Variants in IL22RA2 observed in about 807,000 individuals in gnomAD.
IL22RA2 encodes the protein interleukin 22 receptor subunit alpha 2.
IL22RA2 carries 39 observed loss-of-function variants against 30.7 expected under a neutral mutation model. The ratio of observed to expected loss-of-function variants is 1.27; its 90% CI spans 0.98 to 1.66. The LOEUF (loss-of-function observed/expected upper bound fraction) is 1.66, where lower values mean the gene tolerates loss of function less well. Ranked by LOEUF, IL22RA2 falls within the 40% of genes most tolerant of loss-of-function variation. The pLI, the probability that IL22RA2 is intolerant of heterozygous loss-of-function variation, is 0.00. For synonymous variants in IL22RA2, 103 were observed against 105.0 expected, an observed-to-expected ratio of 0.98 and a Z score of 0.11; for missense variants, 315 against 312.7, an observed-to-expected ratio of 1.01 and a Z score of -0.05.
Position 137,147,815 on chromosome 6 carries a change from T to C in IL22RA2, c.549A>G (p.Leu183=), listed in dbSNP as rs1778211349. ...SLLVILHAPN[L]PYRYQKEKNV... is the part of the protein sequence containing the mutation. ...TTTTTTCCTTTTGGTATCTATATGG[T>C]AAATTTGGAGCATGGAGAATTACCA... Residue 183 remains leucine (L), a synonymous_variant, in exon 6 of 7, where the codon TTA becomes TTG. Transcript: ENST00000296980. 1 of 1,613,552 alleles carries C rather than the reference T, an allele frequency of 6.2e-7. No homozygotes were observed. Among genetic ancestry groups the C allele is most frequent in the East Asian group, 2.2e-5 (1 of 44,856 alleles).
chr6:137,169,085 T>G (rs1257042726), intron 1 of IL22RA2, among the ~76,000 whole-genome samples: 1 of 152,226 alleles, frequency 6.6e-6, no homozygotes, highest in Non-Finnish European at 1.5e-5. Flanking sequence ...TTACCTTGCC[T>G]GAATTTGTTA....
chr6:137,162,814 G>A (rs1337613509), intron 1 of IL22RA2, among the ~76,000 whole-genome samples: 2 of 152,178 alleles, frequency 1.3e-5, no homozygotes, highest in African/African-American at 4.8e-5. Flanking sequence ...TATGAACAGA[G>A]CCATGTGTGT....
chr6:137,169,187 C>G (rs1173655231), intron 1 of IL22RA2, among the ~76,000 whole-genome samples: 3 of 152,172 alleles, frequency 2.0e-5, no homozygotes, highest in African/African-American at 7.2e-5. Context: ...CCTTTCAGAA[C>G]CAGATAGGGG....
chr6:137,146,604 C>T (rs1778184701), intron 6 of IL22RA2, among the ~76,000 whole-genome samples: 1 of 152,146 alleles, frequency 6.6e-6, no homozygotes, highest in South Asian at 2.1e-4. Flanking sequence ...GTTTCTGCTC[C>T]TTACGACAAA....
chr6:137,147,409 A>AAAT (rs1270838480), intron 6 of IL22RA2, among the ~76,000 whole-genome samples: 4 of 150,844 alleles, frequency 2.7e-5, no homozygotes, highest in Non-Finnish European at 4.4e-5. Flanking sequence ...ATAAATAAAT[A>AAAT]AATAAGGTGT....
chr6:137,169,098 A>G (rs1052843571), intron 1 of IL22RA2, among the ~76,000 whole-genome samples: 1 of 152,238 alleles, frequency 6.6e-6, no homozygotes, highest in Non-Finnish European at 1.5e-5. Flanking sequence ...ATTTGTTACA[A>G]AATTCAATGC....
intron 5 of IL22RA2, among the ~76,000 whole-genome samples, chr6:137,150,390 G>A (rs778830044): frequency 4.0e-5 from 6 of 151,650 alleles, no homozygotes; most frequent in Non-Finnish European, 5.9e-5. Context: ...CTATAGACTG[G>A]GTTTCTTATT....
Position 137,161,728 on chromosome 6 carries a change from G to T in IL22RA2, c.22C>A (p.Leu8Ile), listed in dbSNP as rs776480764. MMPKHCF[L>I]GFLISFFLTG... ...AGGAAGAAACTGATGAGGAAGCCTA[G>T]AAAGCAATGTTTAGGCATCATGGTT... The change falls in exon 2 of 7, where the codon CTA becomes ATA. Residue 8 changes from leucine (L) to isoleucine (I), a missense_variant. Leu to Ile is a conservative substitution (Grantham distance 5, BLOSUM62 2). Transcript: ENST00000296980. 1 of 1,613,676 alleles carries T rather than the reference G, an allele frequency of 6.2e-7. No individual in the cohort carries two copies. Among genetic ancestry groups the T allele is most frequent in the Non-Finnish European group, 8.5e-7 (1 of 1,179,746 alleles).
intron 1 of IL22RA2, among the ~76,000 whole-genome samples, chr6:137,173,140 G>C (rs1582615861): frequency 6.6e-6 from 1 of 152,226 alleles, no homozygotes; most frequent in African/African-American, 2.4e-5. Flanking sequence ...GGAAGGCGGA[G>C]GTGGGTGGAT....
chr6:137,157,770 T>C (rs1231362968), intron 3 of IL22RA2, among the ~76,000 whole-genome samples: 4 of 151,026 alleles, frequency 2.6e-5, no homozygotes, highest in Non-Finnish European at 5.9e-5. Context: ...AGGAGTAGAT[T>C]ATATCTGAGT....
intron 2 of IL22RA2, among the ~76,000 whole-genome samples, chr6:137,159,748 T>C (rs2114378549): frequency 6.6e-6 from 1 of 152,350 alleles, no homozygotes; most frequent in African/African-American, 2.4e-5. Context: ...GCCTCTGCAC[T>C]GGCCCTTCCC....
chr6:137,157,364 A>G (rs1041923091), intron 3 of IL22RA2, among the ~76,000 whole-genome samples: 1 of 152,128 alleles, frequency 6.6e-6, no homozygotes, highest in Non-Finnish European at 1.5e-5. Flanking sequence ...GCACAAATCT[A>G]CTTTTGTAAT....
At position 137,173,590 on chromosome 6, in the gene IL22RA2, T is replaced by C. The variant is rs1222169709; in HGVS notation, c.-243A>G. 6.6e-6 allele frequency: 1 copy of C among 152,168 alleles called. No homozygotes were observed. The highest frequency in any genetic ancestry group is 2.4e-5 in the African/African-American group (1 of 41,430). The allele number at this position is 152,168 out of a possible 1,614,324, so 9.4% of individuals were successfully genotyped here. ...TGTTACAGATGAAGAAACTGAGACA[T>C]AGATAGAGAGGTGGAGAGAACTTGA... On this transcript the variant is annotated 5_prime_UTR_variant, in exon 1 of 7. It removes an upstream start codon present in the reference 5' UTR. Coordinates refer to ENST00000296980, the MANE Select transcript of IL22RA2 (RefSeq NM_052962.3).
At chr6:137,161,939 A>C in intron 1 of IL22RA2, 125 bp from the exon 2 acceptor site, 1 of 501,376 alleles carries the variant, frequency 2.0e-6, no homozygotes, top group Non-Finnish European at 3.6e-6. Flanking sequence ...AAAGTATAAA[A>C]ATCACTTCAA....
At chr6:137,148,325 T>G (rs1263942965) in intron 5 of IL22RA2, among the ~76,000 whole-genome samples, 1 of 152,144 alleles carries the variant, frequency 6.6e-6, no homozygotes, top group Non-Finnish European at 1.5e-5. Context: ...GTGATTCTCC[T>G]TCAGCTTCCT....
At chr6:137,161,000 T>C (rs1269293139) in intron 2 of IL22RA2, among the ~76,000 whole-genome samples, 1 of 152,204 alleles carries the variant, frequency 6.6e-6, no homozygotes, top group East Asian at 1.9e-4. Flanking sequence ...GAGGTACCCA[T>C]TTGTTAACTT....
At chr6:137,158,625 C>G (rs1778459057) in intron 2 of IL22RA2, 143 bp from the exon 3 acceptor site, 4 of 768,604 alleles carry the variant, frequency 5.2e-6, no homozygotes, top group East Asian at 5.1e-5. Context: ...GCCCAGAAAT[C>G]AACATTTTGA....
intron 2 of IL22RA2, among the ~76,000 whole-genome samples, chr6:137,159,615 A>G (rs1029573330): frequency 6.6e-6 from 1 of 151,934 alleles, no homozygotes; most frequent in African/African-American, 2.4e-5. Context: ...GAGCCACTGC[A>G]CCCGGCCAGG....
At chr6:137,157,019 G>T (rs79347913) in intron 3 of IL22RA2, among the ~76,000 whole-genome samples, 165 bp from the exon 4 acceptor site, 3,613 of 152,210 alleles carry the variant, frequency 0.024, 69 homozygotes, top group Non-Finnish European at 0.04. Context: ...AGCCATTCAT[G>T]AGTGCTCCAT....
Sources: allele counts gnomAD v4.1 joint callset (sites outside exome capture counted in the v4.1 genomes callset), GRCh38; gene constraint gnomAD v4.1.1; transcripts MANE v1.5; gene names NCBI Gene and HGNC (gene_info 2026-07-23, HGNC 2026-07-21).